Variants in CAMK2B observed in about 807,000 individuals in gnomAD.
CAMK2B encodes the protein calcium/calmodulin dependent protein kinase II beta, also known as calcium/calmodulin-dependent protein kinase type II subunit beta.
Under a neutral mutation model 93.7 loss-of-function variants are expected in CAMK2B, and 27 were observed. That is an observed-to-expected ratio of 0.29 (90% confidence interval 0.21 to 0.40). CAMK2B has a LOEUF of 0.40. Ranked by LOEUF, CAMK2B falls within the 10% of genes least tolerant of loss-of-function variation. CAMK2B has a pLI of 1.00. For synonymous variants in CAMK2B, 374 were observed against 358.8 expected (o/e 1.04, Z -0.48); for missense variants, 568 against 895.8 (o/e 0.63, Z 4.67).
intron 1 of CAMK2B, 49 bp from the exon 2 acceptor site, chr7:44,284,274 G>A: frequency 7.8e-7 from 1 of 1,281,986 alleles, no homozygotes; most frequent in Non-Finnish European, 1.1e-6. Flanking sequence ...GACAGACAAG[G>A]AGAAAGAGAG....
At chr7:44,310,924 C>T (rs972535547) in intron 1 of CAMK2B, among the ~76,000 whole-genome samples, 3 of 152,128 alleles carry the variant, frequency 2.0e-5, no homozygotes, top group Non-Finnish European at 4.4e-5. Flanking sequence ...CACTTAAAAA[C>T]GGTTAAGACA....
At chr7:44,220,418 T>A in intron 22 of CAMK2B, 124 bp from the exon 23 acceptor site, 1 of 900,744 alleles carries the variant, frequency 1.1e-6, no homozygotes, top group East Asian at 2.7e-5. Context: ...TCGGCTCTCC[T>A]GGGAGCAGCA....
At chr7:44,297,700 T>C (rs1253758419) in intron 1 of CAMK2B, among the ~76,000 whole-genome samples, 2 of 152,220 alleles carry the variant, frequency 1.3e-5, no homozygotes, top group African/African-American at 2.4e-5. Context: ...AAAATTCCAA[T>C]GGCTTTTTTG....
At position 44,235,820 on chromosome 7, in the gene CAMK2B, C is replaced by T. The variant is rs1001243218; in HGVS notation, c.1022-1144G>A. 3.3e-5 allele frequency among the ~76,000 whole-genome samples: 5 copies of T among 152,334 alleles called. No individual in the cohort carries two copies. The East Asian group carries it at 9.6e-4, about 29-fold the overall frequency. Reference sequence around the variant, plus strand: ...GGAAGGAAGGTGGCACAGCAATCCCCCATCCCTCCCCCACCGCCTGGCTCC... The same window carrying T: ...GGAAGGAAGGTGGCACAGCAATCCCTCATCCCTCCCCCACCGCCTGGCTCC... On this transcript the variant is annotated intron_variant, in intron 13 of 23. Coordinates refer to ENST00000395749, the MANE Select transcript of CAMK2B (RefSeq NM_001220.5).
intron 2 of CAMK2B, among the ~76,000 whole-genome samples, chr7:44,280,612 A>G (rs1461058962): frequency 6.6e-6 from 1 of 152,258 alleles, no homozygotes; most frequent in African/African-American, 2.4e-5. Flanking sequence ...ACCAGCAAGC[A>G]ACATTTTTGC....
At chr7:44,282,458 T>A (rs1476507544) in intron 2 of CAMK2B, among the ~76,000 whole-genome samples, 1 of 152,182 alleles carries the variant, frequency 6.6e-6, no homozygotes, top group African/African-American at 2.4e-5. Flanking sequence ...CTCCTCAGTG[T>A]CCCTGCTGAA....
intron 1 of CAMK2B, among the ~76,000 whole-genome samples, chr7:44,298,580 C>T (rs1293040880): frequency 6.6e-6 from 1 of 152,130 alleles, no homozygotes; most frequent in Non-Finnish European, 1.5e-5. Context: ...AGGACACTAT[C>T]AAGAGAATGA....
intron 2 of CAMK2B, among the ~76,000 whole-genome samples, chr7:44,264,708 T>TC (rs1173255813): frequency 6.6e-6 from 1 of 151,648 alleles, no homozygotes; most frequent in African/African-American, 2.4e-5. Context: ...CAGTCCCTGC[T>TC]CCCCCTCCCT....
At position 44,325,558 on chromosome 7, in the gene CAMK2B, G is replaced by T; in HGVS notation, c.-137C>A. On this transcript the variant is annotated 5_prime_UTR_variant, in exon 1 of 24. Coordinates refer to ENST00000395749, the MANE Select transcript of CAMK2B (RefSeq NM_001220.5). The stretch of plus-strand genomic sequence containing the variant: ...GCTCGCGGCGCCAGGCGGGGGCCGG[G>T]CTGGGCTGCGCCGGGCGGCGAGCGC... The T allele has an allele frequency of 3.2e-6, 1 of 310,542 alleles. No homozygotes were observed. The highest frequency in any genetic ancestry group is 4.6e-6 in the Non-Finnish European group (1 of 215,486). 19.2% of individuals were successfully genotyped at this position (310,542 alleles called of 1,614,324 possible).
At chr7:44,221,935 A>T (rs1000485559) in intron 20 of CAMK2B, among the ~76,000 whole-genome samples, 1 of 152,254 alleles carries the variant, frequency 6.6e-6, no homozygotes, top group Non-Finnish European at 1.5e-5. Flanking sequence ...TTTTAAAGAA[A>T]TAAAGCACCG....
At chr7:44,313,643 T>A (rs1449192761) in intron 1 of CAMK2B, among the ~76,000 whole-genome samples, 1 of 150,644 alleles carries the variant, frequency 6.6e-6, no homozygotes, top group Non-Finnish European at 1.5e-5. Context: ...CATCTTCCCC[T>A]GTGCTGGTCT....
Position 44,271,424 on chromosome 7 carries a change from A to C in CAMK2B, c.161-8360T>G, listed in dbSNP as rs1477946523. Among the ~76,000 whole-genome samples the C allele has an allele frequency of 3.3e-5, 5 of 152,232 alleles. No homozygotes were observed. The highest frequency in any genetic ancestry group is 6.5e-5 in the Admixed American group (1 of 15,284). ...AGCAGCTCGGCCAGAACCTGATAGG[A>C]CATCCTGGGCCTTGACACCAGGCCA... On this transcript the variant is annotated intron_variant, in intron 2 of 23. Coordinates refer to ENST00000395749, the MANE Select transcript of CAMK2B (RefSeq NM_001220.5). This position sits in a 1 kb window ranked among gnomAD's most constrained non-coding sequence, Gnocchi z 4.2.
chr7:44,275,820 T>C (rs1266483958), intron 2 of CAMK2B, among the ~76,000 whole-genome samples: 3 of 152,108 alleles, frequency 2.0e-5, no homozygotes, highest in Admixed American at 6.5e-5. Flanking sequence ...CCAGCTCCCC[T>C]AACTCCTTCT....
intron 5 of CAMK2B, among the ~76,000 whole-genome samples, chr7:44,253,745 C>T (rs1411146083): frequency 6.6e-6 from 1 of 152,046 alleles, no homozygotes; most frequent in Non-Finnish European, 1.5e-5. Context: ...TGCATGTGTG[C>T]CACCATGCCT....
intron 1 of CAMK2B, among the ~76,000 whole-genome samples, chr7:44,287,203 C>G (rs1785377463): frequency 6.6e-6 from 1 of 152,116 alleles, no homozygotes; most frequent in Non-Finnish European, 1.5e-5. Context: ...GCCTTCTGTC[C>G]CTCACTGAAG....
chr7:44,307,221 T>A (rs1792091432), intron 1 of CAMK2B, among the ~76,000 whole-genome samples: 1 of 85,030 alleles, frequency 1.2e-5, no homozygotes, highest in Non-Finnish European at 2.3e-5. Context: ...GAGGAGGGTA[T>A]GAGCAAGGGG....
intron 3 of CAMK2B, among the ~76,000 whole-genome samples, chr7:44,260,439 C>A (rs2096870560): frequency 6.6e-6 from 1 of 152,186 alleles, no homozygotes; most frequent in Admixed American, 6.5e-5. Flanking sequence ...CCACCAAGGG[C>A]AGGCCAGGCC....
intron 2 of CAMK2B, among the ~76,000 whole-genome samples, chr7:44,278,708 G>A (rs1562994935): frequency 2.6e-5 from 4 of 152,220 alleles, no homozygotes; most frequent in Non-Finnish European, 4.4e-5. Flanking sequence ...ACCGTCCAGC[G>A]CTGTCACCGC....
intron 16 of CAMK2B, 121 bp from the exon 17 acceptor site, chr7:44,231,175 T>C: frequency 1.3e-6 from 1 of 765,308 alleles, no homozygotes; most frequent in South Asian, 1.8e-5. Flanking sequence ...AGCTGATCTC[T>C]GCCTCGGCTG....
Sources: allele counts gnomAD v4.1 joint callset (sites outside exome capture counted in the v4.1 genomes callset), GRCh38; gene constraint gnomAD v4.1.1; non-coding constraint Gnocchi (gnomAD v3.1); transcripts MANE v1.5; gene names NCBI Gene and HGNC (gene_info 2026-07-23, HGNC 2026-07-21).